Variants in VPS26C observed in about 807,000 individuals in gnomAD.
VPS26C encodes VPS26 endosomal protein sorting factor C.
VPS26C carries 19 observed loss-of-function variants against 30.6 expected under a neutral mutation model. The ratio of observed to expected loss-of-function variants is 0.62; its 90% CI spans 0.43 to 0.91. The LOEUF (loss-of-function observed/expected upper bound fraction) is 0.91, where lower values mean the gene tolerates loss of function less well. Among genes scored for constraint, VPS26C ranks in the 40% least tolerant of loss-of-function variants. VPS26C has a pLI of 0.00. For synonymous variants in VPS26C, 132 were observed against 151.5 expected, an observed-to-expected ratio of 0.87 and a Z score of 0.95; for missense variants, 318 against 385.1, an observed-to-expected ratio of 0.83 and a Z score of 1.46.
chr21:37,232,032 C>T (rs577878941), intron 5 of VPS26C: 3 of 266,560 alleles, frequency 1.1e-5, no homozygotes, highest in Middle Eastern at 1.2e-3. Context: ...GCCAGGGGGC[C>T]GGGCGCAGGC....
intron 1 of VPS26C, among the ~76,000 whole-genome samples, chr21:37,253,421 G>A (rs1005257283): frequency 1.3e-5 from 2 of 152,218 alleles, no homozygotes; most frequent in Admixed American, 6.5e-5. Context: ...ACACACAGGC[G>A]TCAATACTAA....
intron 1 of VPS26C, among the ~76,000 whole-genome samples, chr21:37,259,860 T>A (rs2086286316): frequency 6.6e-6 from 1 of 152,164 alleles, no homozygotes; most frequent in African/African-American, 2.4e-5. Flanking sequence ...ACTAGCATTG[T>A]GGCATACAAA....
chr21:37,241,451 G>A (rs2086086524), intron 1 of VPS26C, among the ~76,000 whole-genome samples: 2 of 152,196 alleles, frequency 1.3e-5, no homozygotes, highest in Non-Finnish European at 2.9e-5. Flanking sequence ...AGGGGCTCGA[G>A]TGGAAGAGGA....
At chr21:37,261,168 C>A (rs535822075) in intron 1 of VPS26C, 2 of 152,328 alleles carry the variant, frequency 1.3e-5, no homozygotes, top group South Asian at 4.1e-4. Context: ...CAGCAGTATA[C>A]ACAAAATGTG....
intron 2 of VPS26C, among the ~76,000 whole-genome samples, chr21:37,240,285 G>C (rs2054497832): frequency 6.6e-6 from 1 of 151,922 alleles, no homozygotes; most frequent in Admixed American, 6.6e-5. Flanking sequence ...ACCACACCCG[G>C]CTAATTTTTA....
At chr21:37,266,513 T>TG (rs1335502565) in intron 1 of VPS26C, among the ~76,000 whole-genome samples, 1 of 152,162 alleles carries the variant, frequency 6.6e-6, no homozygotes, top group African/African-American at 2.4e-5. Flanking sequence ...TGACTGATTC[T>TG]GATGTAGAGT....
Position 37,233,163 on chromosome 21 carries a change from T to C in VPS26C, c.432+199A>G. ...AGTCCCTCTGGCCCGCGGCCTCAGC[T>C]GGGGGACTCTGGGCCCAGGACAATG... On this transcript the variant is annotated intron_variant, in intron 4 of 7. Transcript: ENST00000309117. The surrounding 1 kb of genome is among the most constrained non-coding windows in gnomAD (Gnocchi z 5.2). The C allele has an allele frequency of 1.8e-6, 1 of 548,816 alleles. No individual in the cohort carries two copies. The highest frequency in any genetic ancestry group is 3.3e-6 in the Non-Finnish European group (1 of 304,894). The allele number at this position is 548,816 out of a possible 1,614,324, so 34.0% of individuals were successfully genotyped here.
chr21:37,265,910 C>CT (rs59649054), intron 1 of VPS26C, among the ~76,000 whole-genome samples: 1,284 of 76,988 alleles, frequency 0.017, 11 homozygotes, highest in Non-Finnish European at 0.02. Flanking sequence ...AGCTTTTTCT[C>CT]TTTTTTTTTT....
intron 1 of VPS26C, among the ~76,000 whole-genome samples, chr21:37,241,077 GCTGA>G (rs2086082586): frequency 6.6e-6 from 1 of 152,198 alleles, no homozygotes; most frequent in African/African-American, 2.4e-5. Context: ...TCTCAATAGC[GCTGA>G]CTAAAATGAC....
chr21:37,228,227 C>G lies in VPS26C; in HGVS notation c.654G>C (p.Thr218=). 1 of 1,611,784 alleles carries G rather than the reference C, an allele frequency of 6.2e-7. No individual in the cohort carries two copies. Among genetic ancestry groups the G allele is most frequent in the Non-Finnish European group, 8.5e-7 (1 of 1,179,946 alleles). Residue 218 remains threonine, a synonymous_variant, in exon 6 of 8, where the codon ACG becomes ACC. Transcript: ENST00000309117. ...GCCTGGTGGCACGGCCCTCACCGCA[C>G]GTCTCCACGCGCACCAGCTGCAGCT... ...SVELQLVRVE[T]CGCAEGYARD...
chr21:37,248,585 C>A (rs527982205), intron 1 of VPS26C, among the ~76,000 whole-genome samples: 48 of 151,928 alleles, frequency 3.2e-4, no homozygotes, highest in African/African-American at 1.1e-3. Context: ...GCAAATCAAT[C>A]ATCATAGAAA....
Position 37,238,627 on chromosome 21 carries a change from T to C in VPS26C, c.202-18A>G. ...TGGATAGGCTGTAAACAAAAATCAG[T>C]TCAGTCCATCAGCACACACTTGGAA... On this transcript the variant is annotated intron_variant, in intron 2 of 7. Coordinates refer to ENST00000309117, the MANE Select transcript of VPS26C (RefSeq NM_006052.2). The C allele has an allele frequency of 6.2e-7, 1 of 1,613,414 alleles. No individual in the cohort carries two copies. The highest frequency in any genetic ancestry group is 8.5e-7 in the Non-Finnish European group (1 of 1,179,628).
At chr21:37,240,444 C>T (rs2086073883) in intron 2 of VPS26C, 52 bp downstream of exon 2, 1 of 1,604,016 alleles carries the variant, frequency 6.2e-7, no homozygotes, top group Admixed American at 1.7e-5. Context: ...TGCGCCCAGC[C>T]CAACATTTCA....
intron 3 of VPS26C, among the ~76,000 whole-genome samples, chr21:37,234,858 T>G (rs1156432728): frequency 6.6e-6 from 1 of 152,108 alleles, no homozygotes; most frequent in Admixed American, 6.5e-5. Context: ...TTTTTTGTTT[T>G]TTAATACGGA....
At chr21:37,228,507 G>A in intron 5 of VPS26C, 134 bp from the exon 6 acceptor site, 1 of 950,724 alleles carries the variant, frequency 1.1e-6, no homozygotes, top group South Asian at 1.6e-5. Flanking sequence ...TCACAAAACG[G>A]GAAGAAAGGA....
rs926251342 is a variant in VPS26C, at chr21:37,257,843, C to A, written c.57+9395G>T. On this transcript the variant is annotated intron_variant, in intron 1 of 7. Transcript: ENST00000309117. This position sits in a 1 kb window ranked among gnomAD's most constrained non-coding sequence, Gnocchi z 4.2. ...CGGCGTTAGCTGGATTGGAAACAGTCCAGACAGAACGATGGGCTCTGCTGC... is the reference window on the plus strand; with the variant it reads ...CGGCGTTAGCTGGATTGGAAACAGTACAGACAGAACGATGGGCTCTGCTGC... Among the ~76,000 whole-genome samples, 6 of 152,192 alleles carry A rather than the reference C, an allele frequency of 3.9e-5. No homozygotes were observed. Among genetic ancestry groups the A allele is most frequent in the African/African-American group, 7.2e-5 (3 of 41,450 alleles).
rs1248583529 is a variant in VPS26C at position 37,224,310 on chromosome 21, T to C, written c.*1234A>G. ...ACTTTGGGAGGCCAAGACAGGAGGA[T>C]CACTTGAGTCTAGGAGTTCAAGACC... On this transcript the variant is annotated 3_prime_UTR_variant, in exon 8 of 8. Transcript: ENST00000309117. The C allele has an allele frequency of 2.6e-5, 4 of 152,132 alleles. No individual in the cohort carries two copies. Among genetic ancestry groups the C allele is most frequent in the African/African-American group, 9.7e-5 (4 of 41,378 alleles). The allele number at this position is 152,132 out of a possible 1,614,324, so 9.4% of individuals were successfully genotyped here. A position where few individuals can be genotyped will look rare whatever the true frequency, so the allele number is the denominator to read the frequency against.
intron 1 of VPS26C, among the ~76,000 whole-genome samples, chr21:37,253,447 A>G (rs1209327533): frequency 1.3e-5 from 2 of 152,326 alleles, no homozygotes; most frequent in Non-Finnish European, 2.9e-5. Flanking sequence ...ATGGGCTGAC[A>G]AAAAGCATAC....
intron 7 of VPS26C, 141 bp downstream of exon 7, chr21:37,227,513 T>C (rs2085913029): frequency 2.1e-6 from 2 of 959,234 alleles, no homozygotes; most frequent in African/African-American, 3.3e-5. Flanking sequence ...CAGCAGGCTC[T>C]GAGCTGTATG....
Sources: allele counts gnomAD v4.1 joint callset (sites outside exome capture counted in the v4.1 genomes callset), GRCh38; gene constraint gnomAD v4.1.1; non-coding constraint Gnocchi (gnomAD v3.1); transcripts MANE v1.5; gene names NCBI Gene and HGNC (gene_info 2026-07-23, HGNC 2026-07-21).